Variants in PHACTR1 observed in about 807,000 individuals in gnomAD.
The protein encoded by PHACTR1 is phosphatase and actin regulator 1.
In PHACTR1, 16 loss-of-function variants were observed where a neutral mutation model predicts 69.2. The observed-to-expected ratio is 0.23, with a 90% confidence interval of 0.16 to 0.35. The LOEUF is 0.35. PHACTR1 is among the 10% of genes least tolerant of loss of function. The pLI, the probability that PHACTR1 is intolerant of heterozygous loss-of-function variation, is 1.00. For synonymous variants in PHACTR1, 312 were observed against 284.5 expected, an observed-to-expected ratio of 1.10 and a Z score of -0.97; for missense variants, 510 against 734.7, an observed-to-expected ratio of 0.69 and a Z score of 3.54.
At chr6:13,021,411 C>T (rs192671271) in intron 4 of PHACTR1, among the ~76,000 whole-genome samples, 6 of 152,296 alleles carry the variant, frequency 3.9e-5, no homozygotes, top group Admixed American at 3.9e-4. Flanking sequence ...CACATGTATT[C>T]ACCCATTCAT....
rs1385081941 is a variant in PHACTR1 at position 13,283,207 on chromosome 6, T to A, written c.1510-215T>A. On this transcript the variant is annotated intron_variant, in intron 12 of 14. Transcript: ENST00000332995. This position sits in a 1 kb window ranked among gnomAD's most constrained non-coding sequence, Gnocchi z 4.7. ...GAGGGTATGTAAGGGATAACAAAGC[T>A]CTCTCTTAGGACCTAGAAACGTCCC... 4.0e-6 allele frequency: 2 copies of A among 500,310 alleles called. No individual in the cohort carries two copies. Among genetic ancestry groups the A allele is most frequent in the Admixed American group, 7.4e-5 (2 of 27,054 alleles). 31.0% of individuals were successfully genotyped at this position (500,310 alleles called of 1,614,324 possible). A position where few individuals can be genotyped will look rare whatever the true frequency, so the allele number is the denominator to read the frequency against.
intron 4 of PHACTR1, among the ~76,000 whole-genome samples, chr6:13,003,768 T>C (rs1353203100): frequency 1.3e-5 from 2 of 151,402 alleles, no homozygotes; most frequent in African/African-American, 4.9e-5. Flanking sequence ...CTAGTGTCTA[T>C]CATTCCACTC....
rs571075108 is a variant in PHACTR1 at position 13,193,786 on chromosome 6, C to T, written c.664+11100C>T. ...GAGCAGATGAATGTGTCGATGCTCA[C>T]CCTGATGACGTGGTGACTTTGATTT... On this transcript the variant is annotated intron_variant, in intron 7 of 14. Transcript: ENST00000332995. Among the ~76,000 whole-genome samples, 3 of 152,158 alleles carry T rather than the reference C, an allele frequency of 2.0e-5. No individual in the cohort carries two copies. The East Asian group carries it at 5.8e-4, about 29-fold the overall frequency.
In PHACTR1 at chr6:13,182,644, T is replaced by G. The variant is rs1200295890; in HGVS notation, c.622T>G (p.Ser208Ala). The G allele has an allele frequency of 6.3e-7, 1 of 1,596,642 alleles. No individual in the cohort carries two copies. The highest frequency in any genetic ancestry group is 1.7e-5 in the Admixed American group (1 of 57,292). Residue 208 changes from serine (S) to alanine (A), a missense_variant, in exon 7 of 15, where the codon TCA becomes GCA. Coordinates refer to ENST00000332995, the MANE Select transcript of PHACTR1 (RefSeq NM_030948.6). ...AGTCCCAATGCCCAGGGATCCCTGC[T>G]CATATGAGGTGCTCCAACCGTCAGA... is the stretch of plus-strand genomic sequence containing the variant. The part of the protein sequence containing the change: ...EPVPMPRDPC[S>A]YEVLQPSDIM...
intron 10 of PHACTR1, among the ~76,000 whole-genome samples, chr6:13,254,194 C>T (rs1774874274): frequency 6.6e-6 from 1 of 151,908 alleles, no homozygotes; most frequent in African/African-American, 2.4e-5. Flanking sequence ...CAACACCGCA[C>T]TCCAGCCTGG....
chr6:12,745,092 C>G (rs1470306389), intron 3 of PHACTR1, among the ~76,000 whole-genome samples: 4 of 152,068 alleles, frequency 2.6e-5, no homozygotes, highest in Admixed American at 2.0e-4. Context: ...TAGGAGTGTC[C>G]TAGAAACATA....
At chr6:12,885,199 G>C (rs753297309) in intron 4 of PHACTR1, among the ~76,000 whole-genome samples, 3 of 152,174 alleles carry the variant, frequency 2.0e-5, no homozygotes, top group Non-Finnish European at 2.9e-5. Flanking sequence ...CCTTGCGTCG[G>C]ACCTAGACCG....
At chr6:12,966,146 G>A (rs1793457554) in intron 4 of PHACTR1, among the ~76,000 whole-genome samples, 1 of 152,110 alleles carries the variant, frequency 6.6e-6, no homozygotes, top group Non-Finnish European at 1.5e-5. Context: ...GGTTGAGTCT[G>A]GAGGGCCTGA....
intron 3 of PHACTR1, among the ~76,000 whole-genome samples, chr6:12,747,227 T>C (rs1765902505): frequency 6.6e-6 from 1 of 152,202 alleles, no homozygotes; most frequent in Non-Finnish European, 1.5e-5. Flanking sequence ...GTTAAGGGCA[T>C]AGGATTTGAA....
chr6:13,285,079 ACT>A (rs1235623094), intron 13 of PHACTR1, among the ~76,000 whole-genome samples: 2 of 152,068 alleles, frequency 1.3e-5, no homozygotes, highest in Non-Finnish European at 2.9e-5. Flanking sequence ...TCCTGTCCAC[ACT>A]CTCTCTGCGG....
intron 4 of PHACTR1, among the ~76,000 whole-genome samples, chr6:12,803,062 C>A (rs561656665): frequency 6.6e-6 from 1 of 152,314 alleles, no homozygotes; most frequent in South Asian, 2.1e-4. Context: ...GCTGCCATAA[C>A]TTTTCCCCTT....
chr6:12,993,422 C>T (rs567748241), intron 4 of PHACTR1, among the ~76,000 whole-genome samples: 1 of 152,276 alleles, frequency 6.6e-6, no homozygotes, highest in East Asian at 1.9e-4. Context: ...GAAGAACTTT[C>T]AGCAGCATAA....
chr6:13,278,486 A>G (rs1195826661), intron 12 of PHACTR1, among the ~76,000 whole-genome samples, 157 bp downstream of exon 12: 1 of 152,198 alleles, frequency 6.6e-6, no homozygotes, highest in Non-Finnish European at 1.5e-5. Context: ...CTCTCCACTC[A>G]GCTTCATGAC....
intron 4 of PHACTR1, among the ~76,000 whole-genome samples, chr6:13,051,758 T>C (rs1227464318): frequency 6.6e-6 from 1 of 152,182 alleles, no homozygotes; most frequent in Non-Finnish European, 1.5e-5. Context: ...ATATTGTAGC[T>C]CTGTTGTGGT....
At chr6:13,169,865 G>A (rs1469967889) in intron 6 of PHACTR1, among the ~76,000 whole-genome samples, 4 of 152,222 alleles carry the variant, frequency 2.6e-5, no homozygotes, top group Non-Finnish European at 5.9e-5. Context: ...AAAGTCTGCA[G>A]GCTAATAATT....
chr6:13,032,008 A>C (rs540199506), intron 4 of PHACTR1, among the ~76,000 whole-genome samples: 2 of 152,332 alleles, frequency 1.3e-5, no homozygotes, highest in South Asian at 4.1e-4. Flanking sequence ...CTGTATCACT[A>C]TTCTGACCCT....
chr6:13,128,901 A>C (rs1819961777), intron 5 of PHACTR1, among the ~76,000 whole-genome samples: 2 of 152,218 alleles, frequency 1.3e-5, no homozygotes, highest in Admixed American at 1.3e-4. Context: ...GCTGTGAGAC[A>C]AAAGTATCAG....
chr6:12,854,631 A>C (rs1780162345), intron 4 of PHACTR1, among the ~76,000 whole-genome samples: 1 of 152,188 alleles, frequency 6.6e-6, no homozygotes. Flanking sequence ...TTATTTGCAA[A>C]CTATGCATCC....
At chr6:13,282,951 G>C (rs751311794) in intron 12 of PHACTR1, among the ~76,000 whole-genome samples, 13 of 152,126 alleles carry the variant, frequency 8.5e-5, no homozygotes, top group Non-Finnish European at 1.8e-4. Flanking sequence ...CTGTGAATAT[G>C]CTTTGAAGTC....
Sources: allele counts gnomAD v4.1 joint callset (sites outside exome capture counted in the v4.1 genomes callset), GRCh38; gene constraint gnomAD v4.1.1; non-coding constraint Gnocchi (gnomAD v3.1); transcripts MANE v1.5; gene names NCBI Gene and HGNC (gene_info 2026-07-23, HGNC 2026-07-21).